CSMD2: variants seen among roughly 807,000 people sequenced by gnomAD.
CSMD2 encodes CUB and Sushi multiple domains 2, also known as CUB and sushi domain-containing protein 2.
In CSMD2, 130 loss-of-function variants were observed where a neutral mutation model predicts 398.5. The observed-to-expected ratio is 0.33, with a 90% confidence interval of 0.28 to 0.38. The LOEUF is 0.38. Among genes scored for constraint, CSMD2 ranks in the 10% least tolerant of loss-of-function variants. CSMD2 has a pLI of 1.00. For missense variants in CSMD2, 3,829 were observed against 4,764.9 expected (o/e 0.80, Z 5.78); for synonymous variants, 1,828 against 1,908.5 (o/e 0.96, Z 1.10).
chr1:34,087,067 A>G (rs74068015), intron 2 of CSMD2, among the ~76,000 whole-genome samples: 2,888 of 152,082 alleles, frequency 0.019, 50 homozygotes, highest in East Asian at 0.052. Flanking sequence ...AGTCAACATG[A>G]CTGGCTTGGC....
chr1:33,986,068 C>G (rs1209816741), intron 3 of CSMD2, among the ~76,000 whole-genome samples: 1 of 152,214 alleles, frequency 6.6e-6, no homozygotes, highest in Admixed American at 6.5e-5. Context: ...CCTCATTCAC[C>G]TTGGCACCAC....
chr1:33,551,981 T>C (rs956356017), intron 55 of CSMD2, among the ~76,000 whole-genome samples: 5 of 152,104 alleles, frequency 3.3e-5, no homozygotes, highest in African/African-American at 1.2e-4. Flanking sequence ...TGCCAAGATA[T>C]GAGTGAGGCC....
intron 5 of CSMD2, among the ~76,000 whole-genome samples, chr1:33,905,475 G>A (rs4653361): frequency 0.041 from 6,249 of 152,268 alleles, 172 homozygotes; most frequent in Non-Finnish European, 0.058. Flanking sequence ...AACGACACTG[G>A]AATGGGCAAC....
chr1:33,825,400 G>A (rs372867598), intron 7 of CSMD2, among the ~76,000 whole-genome samples: 21 of 152,330 alleles, frequency 1.4e-4, no homozygotes, highest in African/African-American at 4.6e-4. Context: ...TGATTCAAAA[G>A]GAAAATAAAG....
intron 13 of CSMD2, among the ~76,000 whole-genome samples, chr1:33,768,710 C>A (rs1242204348): frequency 6.6e-6 from 1 of 152,094 alleles, no homozygotes; most frequent in Non-Finnish European, 1.5e-5. Flanking sequence ...TCTTTCCCTT[C>A]CAACTCTCCA....
rs185093880 is a variant in CSMD2 at position 34,028,367 on chromosome 1, T to G, written c.517+4227A>C. Among the ~76,000 whole-genome samples, 95 of 152,292 alleles carry G rather than the reference T, an allele frequency of 6.2e-4. No individual in the cohort carries two copies. The East Asian group carries it at 9.5e-3, about 15-fold the overall frequency. On this transcript the variant is annotated intron_variant, in intron 3 of 70. Transcript: ENST00000373381. ...AAGTATATTTGGGGTATACTTACAC[T>G]AAACATTATTCCCACTTCAAAAATT...
intron 3 of CSMD2, among the ~76,000 whole-genome samples, chr1:33,955,288 C>T (rs778708411): frequency 5.3e-5 from 8 of 152,300 alleles, no homozygotes; most frequent in African/African-American, 1.7e-4. Flanking sequence ...GGGAGTGTGC[C>T]GAGCTTTGTT....
chr1:34,160,431 A>G (rs1641224908), intron 1 of CSMD2, among the ~76,000 whole-genome samples: 1 of 152,146 alleles, frequency 6.6e-6, no homozygotes, highest in Non-Finnish European at 1.5e-5. Flanking sequence ...TGGTTCTAGA[A>G]CCTAGGGAAC....
intron 1 of CSMD2, among the ~76,000 whole-genome samples, chr1:34,113,939 G>A (rs1470379783): frequency 6.6e-6 from 1 of 152,220 alleles, no homozygotes; most frequent in Non-Finnish European, 1.5e-5. Flanking sequence ...CATACATTCA[G>A]TGTTCCCACT....
In CSMD2 at chr1:33,902,767, A is replaced by C. The variant is rs113441841; in HGVS notation, c.920+15327T>G. On this transcript the variant is annotated intron_variant, in intron 5 of 70. Coordinates refer to ENST00000373381, the MANE Select transcript of CSMD2 (RefSeq NM_001281956.2). ...CTCTGGAGGCTGGAGGCTACAGATA[A>C]GGCTTAAGAGGGGTCCCTGGCGGTC... is the stretch of plus-strand genomic sequence containing the variant. Among the ~76,000 whole-genome samples the C allele has an allele frequency of 2.9e-3, 440 of 152,308 alleles. 2 individuals carry two copies. Among genetic ancestry groups the C allele is most frequent in the African/African-American group, 9.2e-3 (384 of 41,564 alleles).
At chr1:33,871,173 A>G (rs1377312306) in intron 5 of CSMD2, among the ~76,000 whole-genome samples, 2 of 152,214 alleles carry the variant, frequency 1.3e-5, no homozygotes, top group African/African-American at 4.8e-5. Context: ...ATTTGTTACA[A>G]ACTGAAATGA....
At chr1:33,830,624 G>C (rs565037301) in intron 6 of CSMD2, among the ~76,000 whole-genome samples, 3 of 152,036 alleles carry the variant, frequency 2.0e-5, no homozygotes, top group Admixed American at 1.3e-4. Flanking sequence ...CCAAAGGAAC[G>C]CAGTTCCTCA....
intron 12 of CSMD2, among the ~76,000 whole-genome samples, chr1:33,782,204 T>C (rs998847112): frequency 2.6e-5 from 4 of 151,726 alleles, no homozygotes; most frequent in Non-Finnish European, 5.9e-5. Context: ...CCCCTGCTCG[T>C]TCCTGAGTCG....
intron 3 of CSMD2, among the ~76,000 whole-genome samples, chr1:33,942,093 T>A (rs934114238): frequency 7.0e-4 from 106 of 152,316 alleles, no homozygotes; most frequent in African/African-American, 2.5e-3. Context: ...ATGATCTTAT[T>A]TAATCCTCCC....
chr1:33,905,930 A>G (rs896310065), intron 5 of CSMD2, among the ~76,000 whole-genome samples: 3 of 152,224 alleles, frequency 2.0e-5, no homozygotes, highest in Admixed American at 1.3e-4. Flanking sequence ...TTTGTGGCCA[A>G]TGAAATATGA....
At position 33,784,510 on chromosome 1, in the gene CSMD2, C is replaced by T. The variant is rs567024952; in HGVS notation, c.1663+4090G>A. Among the ~76,000 whole-genome samples the T allele has an allele frequency of 5.3e-5, 8 of 152,342 alleles. No individual in the cohort carries two copies. In the South Asian group the frequency reaches 8.3e-4, roughly 16 times the overall value. ...CTTGAATTTTCACTGAGCCAGGTTC[C>T]AACGCACTGTGAGGCCTCCAGGCTC... On this transcript the variant is annotated intron_variant, in intron 12 of 70. Coordinates refer to ENST00000373381, the MANE Select transcript of CSMD2 (RefSeq NM_001281956.2).
chr1:34,089,774 G>A (rs924304010), intron 1 of CSMD2, among the ~76,000 whole-genome samples: 1 of 151,856 alleles, frequency 6.6e-6, no homozygotes, highest in Non-Finnish European at 1.5e-5. Context: ...AACAGTATAC[G>A]TTCCTGTTTC....
intron 4 of CSMD2, among the ~76,000 whole-genome samples, chr1:33,928,330 G>A (rs572773639): frequency 1.3e-5 from 2 of 152,298 alleles, no homozygotes; most frequent in East Asian, 3.9e-4. Flanking sequence ...GAGTTGTGAG[G>A]ATTACAACAG....
intron 5 of CSMD2, among the ~76,000 whole-genome samples, chr1:33,851,797 A>G (rs1325621113): frequency 6.6e-6 from 1 of 152,172 alleles, no homozygotes; most frequent in African/African-American, 2.4e-5. Context: ...TTCTTTCCCC[A>G]AGACAATCCC....
Sources: gnomAD v4.1 joint callset for allele counts (sites outside exome capture counted in the v4.1 genomes callset) on GRCh38, gnomAD v4.1.1 for gene constraint, MANE v1.5 for transcripts, NCBI Gene and HGNC (gene_info 2026-07-23, HGNC 2026-07-21) for gene names.